Variants in GRIA4 observed in about 807,000 individuals in gnomAD.
GRIA4 encodes glutamate ionotropic receptor AMPA type subunit 4.
In GRIA4, 34 loss-of-function variants were observed where a neutral mutation model predicts 104.0. The ratio of observed to expected loss-of-function variants is 0.33; its 90% CI spans 0.25 to 0.44. The LOEUF (loss-of-function observed/expected upper bound fraction) is 0.44, where lower values mean the gene tolerates loss of function less well. Ranked by LOEUF, GRIA4 falls within the 20% of genes least tolerant of loss-of-function variation. The probability of loss-of-function intolerance (pLI) is 1.00; values close to 1 mark genes in which losing one functional copy is unlikely to be tolerated. For missense variants in GRIA4, 750 were observed against 1,096.5 expected, an observed-to-expected ratio of 0.68 and a Z score of 4.46; for synonymous variants, 386 against 381.9, an observed-to-expected ratio of 1.01 and a Z score of -0.13.
rs116245625 is a variant in GRIA4 at position 105,659,973 on chromosome 11, A to T, written c.247+47539A>T. Among the ~76,000 whole-genome samples the T allele has an allele frequency of 4.5e-3, 688 of 151,862 alleles. 12 individuals are homozygous for T. Among genetic ancestry groups the T allele is most frequent in the African/African-American group, 0.015 (642 of 41,518 alleles). ...TACTGAAATTAAAAACAATGGTAAA[A>T]TTTTCAAAATAATAAAAATATTAAA... On this transcript the variant is annotated intron_variant, in intron 3 of 16. Coordinates refer to ENST00000282499, the MANE Select transcript of GRIA4 (RefSeq NM_000829.4).
chr11:105,887,444 A>G, intron 5 of GRIA4, 75 bp from the exon 6 acceptor site: 1 of 674,822 alleles, frequency 1.5e-6, no homozygotes, highest in Non-Finnish European at 2.6e-6. Flanking sequence ...AATTATGCTA[A>G]AATAGATAAT....
Position 105,910,608 on chromosome 11 carries a change from C to T in GRIA4, c.1269+63C>T, listed in dbSNP as rs73542902. 3,221 of 834,798 alleles carry T rather than the reference C, an allele frequency of 3.9e-3. 85 individuals carry two copies. In the African/African-American group the frequency reaches 0.046, roughly 12 times the overall value. The allele number at this position is 834,798 out of a possible 1,614,324, so 51.7% of individuals were successfully genotyped here. ...TCCACAGGCAATTTTAACTCCCCAG[C>T]GACGGTGAACAGGGAGGGCAAAGCT... On this transcript the variant is annotated intron_variant, in intron 10 of 16. Transcript: ENST00000282499.
At chr11:105,928,682 A>C (rs1947788685) in intron 13 of GRIA4, among the ~76,000 whole-genome samples, 1 of 152,064 alleles carries the variant, frequency 6.6e-6, no homozygotes, top group Non-Finnish European at 1.5e-5. Context: ...AAATAAAGAC[A>C]TTATTTGCAG....
chr11:105,890,149 C>T (rs1281581892), intron 6 of GRIA4, among the ~76,000 whole-genome samples: 1 of 152,128 alleles, frequency 6.6e-6, no homozygotes, highest in Non-Finnish European at 1.5e-5. Context: ...ATTCAGCAGA[C>T]ATCAATATGG....
At chr11:105,611,109 T>C (rs374044907) in intron 2 of GRIA4, 24 bp downstream of exon 2, 55 of 1,529,252 alleles carry the variant, frequency 3.6e-5, no homozygotes, top group Non-Finnish European at 4.7e-5. Flanking sequence ...CGATGGGGTG[T>C]GCATGTGGCT....
At chr11:105,690,793 AT>A (rs61361491) in intron 3 of GRIA4, among the ~76,000 whole-genome samples, 103 of 151,152 alleles carry the variant, frequency 6.8e-4, no homozygotes, top group Non-Finnish European at 1.0e-3. Flanking sequence ...TTTTCCAGAG[AT>A]TTTTTTTTTA....
chr11:105,777,432 G>T (rs976106786), intron 4 of GRIA4, among the ~76,000 whole-genome samples: 2 of 152,052 alleles, frequency 1.3e-5, no homozygotes, highest in African/African-American at 4.8e-5. Flanking sequence ...ACTCCCAAAT[G>T]AGATGAAACA....
intron 14 of GRIA4, 111 bp from the exon 15 acceptor site, chr11:105,971,803 C>T (rs1431451095): frequency 1.6e-6 from 1 of 644,762 alleles, no homozygotes; most frequent in Non-Finnish European, 2.8e-6. Context: ...CAAGACATAG[C>T]ACCTACTGTG....
chr11:105,680,078 C>T (rs911935370), intron 3 of GRIA4, among the ~76,000 whole-genome samples: 6 of 152,080 alleles, frequency 3.9e-5, no homozygotes, highest in Non-Finnish European at 5.9e-5. Context: ...CTTCCTTTGC[C>T]GGTTTACCTA....
chr11:105,862,584 T>C (rs994651376), intron 5 of GRIA4: 21 of 180,612 alleles, frequency 1.2e-4, no homozygotes, highest in South Asian at 8.5e-4. Context: ...GAGGCACACT[T>C]ACTTTAGAGA....
intron 3 of GRIA4, among the ~76,000 whole-genome samples, chr11:105,687,786 T>C (rs1022930110): frequency 2.0e-5 from 3 of 152,162 alleles, no homozygotes; most frequent in African/African-American, 2.4e-5. Flanking sequence ...CACACTAAGA[T>C]TTTCTCAATC....
intron 4 of GRIA4, among the ~76,000 whole-genome samples, chr11:105,842,488 C>A (rs1192790814): frequency 6.6e-6 from 1 of 152,086 alleles, no homozygotes; most frequent in Non-Finnish European, 1.5e-5. Flanking sequence ...AGCAGCGAAG[C>A]TATTGAGAAG....
chr11:105,662,883 A>G (rs955896763), intron 3 of GRIA4, among the ~76,000 whole-genome samples: 3 of 151,900 alleles, frequency 2.0e-5, no homozygotes, highest in African/African-American at 7.2e-5. Flanking sequence ...TGTGTTCTTT[A>G]AACTCCATAT....
At chr11:105,894,461 C>T (rs7129398) in intron 6 of GRIA4, among the ~76,000 whole-genome samples, 12,508 of 152,092 alleles carry the variant, frequency 0.082, 564 homozygotes, top group African/African-American at 0.1. Context: ...CTGTGTAATA[C>T]GCTTAGCACA....
intron 14 of GRIA4, among the ~76,000 whole-genome samples, chr11:105,954,398 T>G (rs1324924171): frequency 2.0e-5 from 3 of 152,198 alleles, no homozygotes; most frequent in Non-Finnish European, 4.4e-5. Context: ...TGTTTTTTAC[T>G]AATTATTACA....
intron 3 of GRIA4, among the ~76,000 whole-genome samples, chr11:105,704,224 TAAG>T (rs764516451): frequency 5.4e-4 from 82 of 152,220 alleles, no homozygotes; most frequent in Non-Finnish European, 8.4e-4. Flanking sequence ...TGGGAAGTGC[TAAG>T]AAGAAGTATA....
At chr11:105,956,424 A>C (rs1948592701) in intron 14 of GRIA4, among the ~76,000 whole-genome samples, 1 of 152,126 alleles carries the variant, frequency 6.6e-6, no homozygotes, top group Admixed American at 6.5e-5. Flanking sequence ...CATGTCCCTG[A>C]AAAGGACATG....
chr11:105,747,741 A>G (rs1939747339), intron 3 of GRIA4, among the ~76,000 whole-genome samples: 1 of 152,150 alleles, frequency 6.6e-6, no homozygotes, highest in Admixed American at 6.5e-5. Flanking sequence ...AAAGATTCAT[A>G]CCCCTTATTT....
intron 5 of GRIA4, among the ~76,000 whole-genome samples, chr11:105,864,818 C>T (rs1591367866): frequency 1.3e-5 from 2 of 151,776 alleles, no homozygotes; most frequent in Non-Finnish European, 2.9e-5. Flanking sequence ...TGTGGTGAGC[C>T]GAGATCGTGC....
Sources: allele counts gnomAD v4.1 joint callset (sites outside exome capture counted in the v4.1 genomes callset), GRCh38; gene constraint gnomAD v4.1.1; transcripts MANE v1.5; gene names NCBI Gene and HGNC (gene_info 2026-07-23, HGNC 2026-07-21).